ACSL3: variants seen among roughly 807,000 people sequenced by gnomAD.
The protein encoded by ACSL3 is fatty acid CoA ligase Acsl3.
Under a neutral mutation model 84.7 loss-of-function variants are expected in ACSL3, and 34 were observed. The observed-to-expected ratio is 0.40, with a 90% CI of 0.31 to 0.53. ACSL3 has a LOEUF of 0.53. ACSL3 is among the 20% of genes least tolerant of loss of function. The pLI is 0.48. For synonymous variants in ACSL3, 315 were observed against 299.4 expected, an observed-to-expected ratio of 1.05 and a Z score of -0.54; for missense variants, 680 against 873.1, an observed-to-expected ratio of 0.78 and a Z score of 2.79.
rs1697387536 is a variant in ACSL3, at chr2:222,943,748, T to TA, written c.*2100dup. 1 of 152,034 alleles carries TA rather than the reference T, an allele frequency of 6.6e-6. No individual in the cohort carries two copies. The highest frequency in any genetic ancestry group is 6.6e-5 in the Admixed American group (1 of 15,256). 9.4% of individuals were successfully genotyped at this position (152,034 alleles called of 1,614,324 possible). A position where few individuals can be genotyped will look rare whatever the true frequency, so the allele number is the denominator to read the frequency against. ...GTAAGCAAAACTATCTTTAGTGACTTAAAAAATAATATCCTCTAAAATTAC... is the reference window on the plus strand; with the variant it reads ...GTAAGCAAAACTATCTTTAGTGACTTAAAAAAATAATATCCTCTAAAATTAC... On this transcript the variant is annotated 3_prime_UTR_variant, in exon 17 of 17. Coordinates refer to ENST00000357430, the MANE Select transcript of ACSL3 (RefSeq NM_004457.5).
At chr2:222,919,332 G>T (rs1696670322) in intron 7 of ACSL3, 130 bp downstream of exon 7, 4 of 964,074 alleles carry the variant, frequency 4.1e-6, no homozygotes, top group Admixed American at 3.1e-5. Flanking sequence ...TAGGAAAACA[G>T]GTCCCTCTAG....
At chr2:222,889,998 A>G (rs1164687092) in intron 2 of ACSL3, among the ~76,000 whole-genome samples, 3 of 152,270 alleles carry the variant, frequency 2.0e-5, no homozygotes, top group Non-Finnish European at 4.4e-5. Context: ...TTAAAGATAA[A>G]AAAGCAAGTA....
At position 222,901,186 on chromosome 2, in the gene ACSL3, A is replaced by T. The variant is rs181185206; in HGVS notation, c.-41+406A>T. Among the ~76,000 whole-genome samples the T allele has an allele frequency of 3.9e-5, 6 of 152,234 alleles. No individual in the cohort carries two copies. The East Asian group carries it at 1.2e-3, about 29-fold the overall frequency. On this transcript the variant is annotated intron_variant, in intron 3 of 16. Transcript: ENST00000357430. ...TTTACTGTACTCTTCCTGAAGCACCATTAACACTTGATTAATACTTACCTT... is the reference window on the plus strand; with the variant it reads ...TTTACTGTACTCTTCCTGAAGCACCTTTAACACTTGATTAATACTTACCTT...
chr2:222,896,710 CCA>C (rs1695991658), intron 2 of ACSL3, among the ~76,000 whole-genome samples: 1 of 32,530 alleles, frequency 3.1e-5, no homozygotes, highest in Admixed American at 2.8e-4. Flanking sequence ...GCTGACCCCC[CCA>C]CCTCCCTCCC....
chr2:222,934,534 C>T lies in ACSL3; in HGVS notation c.1852C>T (p.His618Tyr). The change falls in exon 16 of 17, where the codon CAT (histidine) becomes TAT (tyrosine). Residue 618 changes from histidine (H) to tyrosine (Y), a missense_variant. Around this residue, in one of 2 missense-constraint regions of ACSL3, gnomAD observed 347 missense variants for 525.7 expected, o/e 0.66. Transcript: ENST00000357430. ...GTTATCCTTTCTATATTTCAGTTATCATTCTTATGTCATTGGATTTGTTGT... is the reference window on the plus strand; with the variant it reads ...GTTATCCTTTCTATATTTCAGTTATTATTCTTATGTCATTGGATTTGTTGT... ...DNICAYANSY[H>Y]SYVIGFVVPN... The T allele has an allele frequency of 6.4e-7, 1 of 1,552,736 alleles. No individual in the cohort carries two copies.
chr2:222,901,964 A>AAAAAAAAAAAAAAAAAAAAAAAAATG lies in ACSL3; in HGVS notation c.-41+1184_-41+1185insAAAAAAAAAAAAAAAAAAAAAAAATG, dbSNP rs57522671. Among the ~76,000 whole-genome samples, 2 of 99,456 alleles carry AAAAAAAAAAAAAAAAAAAAAAAAATG rather than the reference A, an allele frequency of 2.0e-5. 1 individual carries two copies. 65.2% of individuals were successfully genotyped at this position (99,456 alleles called of 152,430 possible). ...GTCTCAAAAAAAAAAAAAAAAAAAAAGAACTCAAATATTGTTGAGGTAGCA... is the reference window on the plus strand; with the variant it reads ...GTCTCAAAAAAAAAAAAAAAAAAAAAAAAAAAAAAAAAAAAAAAAAAAAATGGAACTCAAATATTGTTGAGGTAGCA... On this transcript the variant is annotated intron_variant, in intron 3 of 16. Coordinates refer to ENST00000357430, the MANE Select transcript of ACSL3 (RefSeq NM_004457.5).
chr2:222,899,303 A>G (rs1274573132), intron 2 of ACSL3, among the ~76,000 whole-genome samples: 1 of 151,888 alleles, frequency 6.6e-6, no homozygotes, highest in African/African-American at 2.4e-5. Flanking sequence ...GTGAAATCCC[A>G]TCTCTACTAA....
At chr2:222,903,381 A>T (rs1696205438) in intron 3 of ACSL3, among the ~76,000 whole-genome samples, 1 of 152,174 alleles carries the variant, frequency 6.6e-6, no homozygotes, top group Non-Finnish European at 1.5e-5. Flanking sequence ...AGCTCAAGTG[A>T]TCCATTTGTC....
At chr2:222,866,365 T>G (rs1695140056) in intron 1 of ACSL3, among the ~76,000 whole-genome samples, 1 of 152,214 alleles carries the variant, frequency 6.6e-6, no homozygotes, top group Non-Finnish European at 1.5e-5. Context: ...CAGGATGGTC[T>G]TGATCTTCTG....
At chr2:222,916,288 ACATT>A in intron 4 of ACSL3, 27 bp from the exon 5 acceptor site, 1 of 1,371,426 alleles carries the variant, frequency 7.3e-7, no homozygotes, top group Non-Finnish European at 9.6e-7. Flanking sequence ...TATTTTGATT[ACATT>A]AAAAAAATTT....
chr2:222,926,051 G>A (rs2106134058), intron 11 of ACSL3, among the ~76,000 whole-genome samples: 1 of 152,220 alleles, frequency 6.6e-6, no homozygotes, highest in Non-Finnish European at 1.5e-5. Context: ...TCGGCCCTCT[G>A]TATCAACAGG....
intron 12 of ACSL3, among the ~76,000 whole-genome samples, chr2:222,928,187 C>G (rs144978550): frequency 6.6e-6 from 1 of 152,318 alleles, no homozygotes; most frequent in East Asian, 1.9e-4. Context: ...GTTCTTTCCT[C>G]ACATCCTTGA....
At chr2:222,878,442 T>C (rs1695510138) in intron 1 of ACSL3, among the ~76,000 whole-genome samples, 1 of 152,234 alleles carries the variant, frequency 6.6e-6, no homozygotes, top group Non-Finnish European at 1.5e-5. Context: ...CTTATCGCCT[T>C]CTCTGCAGCC....
rs555396450 is a variant in ACSL3, at chr2:222,931,786, C to T, written c.1732+974C>T. 7.9e-5 allele frequency among the ~76,000 whole-genome samples: 12 copies of T among 152,286 alleles called. No homozygotes were observed. The East Asian group carries it at 1.2e-3, about 15-fold the overall frequency. On this transcript the variant is annotated intron_variant, in intron 14 of 16. Transcript: ENST00000357430. Reference sequence around the variant, plus strand: ...ACATTGTTCCCCTCTTCACCTTCATCGTCAGTTGTTTTCCTCCTCCTCCTT... The same window carrying T: ...ACATTGTTCCCCTCTTCACCTTCATTGTCAGTTGTTTTCCTCCTCCTCCTT...
chr2:222,913,198 T>A (rs376800798), intron 4 of ACSL3, among the ~76,000 whole-genome samples: 144 of 152,348 alleles, frequency 9.5e-4, no homozygotes, highest in African/African-American at 3.2e-3. Context: ...TCCTTCTAAA[T>A]TGATCCAAAA....
At chr2:222,934,454 T>C in intron 15 of ACSL3, 76 bp from the exon 16 acceptor site, 1 of 1,226,122 alleles carries the variant, frequency 8.2e-7, no homozygotes, top group South Asian at 2.1e-5. Context: ...TATTTACTAC[T>C]TGTCACTGTA....
At chr2:222,871,530 A>G (rs144076792) in intron 1 of ACSL3, among the ~76,000 whole-genome samples, 1 of 152,344 alleles carries the variant, frequency 6.6e-6, no homozygotes, top group African/African-American at 2.4e-5. Context: ...GCTGGGTCTC[A>G]CAAACATGTG....
At chr2:222,867,183 T>TTAA (rs1293494432) in intron 1 of ACSL3, among the ~76,000 whole-genome samples, 2 of 152,176 alleles carry the variant, frequency 1.3e-5, no homozygotes, top group African/African-American at 2.4e-5. Flanking sequence ...GCTTTCCCCT[T>TTAA]TAACCTTACT....
chr2:222,883,705 T>C (rs200280089), intron 1 of ACSL3, among the ~76,000 whole-genome samples: 1 of 23,938 alleles, frequency 4.2e-5, no homozygotes, highest in Non-Finnish European at 6.5e-5. Context: ...TTTGTTCTTT[T>C]TTTCTATTTC....
Sources: allele counts gnomAD v4.1 joint callset (sites outside exome capture counted in the v4.1 genomes callset), GRCh38; gene constraint gnomAD v4.1.1; regional missense constraint gnomAD v4.1.1; transcripts MANE v1.5; gene names NCBI Gene and HGNC (gene_info 2026-07-23, HGNC 2026-07-21).